SLIT3: variants seen among roughly 807,000 people sequenced by gnomAD.
The protein encoded by SLIT3 is slit guidance ligand 3.
A neutral mutation model predicts 184.0 loss-of-function variants in SLIT3; 68 were observed. That is an observed-to-expected ratio of 0.37 (90% CI 0.30 to 0.45). The LOEUF (loss-of-function observed/expected upper bound fraction) is 0.45. SLIT3 is among the 20% of genes least tolerant of loss of function. SLIT3 has a pLI of 1.00. For synonymous variants in SLIT3, 831 were observed against 828.6 expected, an observed-to-expected ratio of 1.00 and a Z score of -0.05; for missense variants, 1,707 against 2,026.0, an observed-to-expected ratio of 0.84 and a Z score of 3.02.
At chr5:169,206,443 T>G (rs11738097) in intron 3 of SLIT3, among the ~76,000 whole-genome samples, 22,774 of 152,184 alleles carry the variant, frequency 0.15, 2,062 homozygotes, top group East Asian at 0.44. Flanking sequence ...GGTAGGAAAC[T>G]GCCAGATGCA....
chr5:169,270,560 CAG>C (rs1350250941), intron 1 of SLIT3, among the ~76,000 whole-genome samples: 1 of 152,184 alleles, frequency 6.6e-6, no homozygotes, highest in Non-Finnish European at 1.5e-5. Flanking sequence ...CTTCACGCGA[CAG>C]GGGCAGAGTT....
At chr5:168,923,126 G>C (rs1761697416) in intron 4 of SLIT3, among the ~76,000 whole-genome samples, 1 of 152,154 alleles carries the variant, frequency 6.6e-6, no homozygotes, top group Non-Finnish European at 1.5e-5. Flanking sequence ...TAGGACTGGG[G>C]CAATGACAGG....
chr5:168,729,637 C>G (rs1194275725), intron 20 of SLIT3, among the ~76,000 whole-genome samples: 2 of 151,908 alleles, frequency 1.3e-5, no homozygotes, highest in Non-Finnish European at 2.9e-5. Flanking sequence ...AGGAAATGTT[C>G]AATGAGGTCT....
At chr5:168,981,023 T>C (rs2113355390) in intron 4 of SLIT3, among the ~76,000 whole-genome samples, 1 of 152,344 alleles carries the variant, frequency 6.6e-6, no homozygotes, top group African/African-American at 2.4e-5. Flanking sequence ...CTGACTTAGA[T>C]GAATTTCTTC....
chr5:168,915,154 C>T (rs116010012), intron 4 of SLIT3, among the ~76,000 whole-genome samples: 3,928 of 152,156 alleles, frequency 0.026, 157 homozygotes, highest in African/African-American at 0.089. Context: ...CTGTACTTCA[C>T]GGTAACCACA....
At chr5:169,248,524 A>G (rs1338765458) in intron 2 of SLIT3, among the ~76,000 whole-genome samples, 4 of 152,206 alleles carry the variant, frequency 2.6e-5, no homozygotes, top group Admixed American at 6.5e-5. Context: ...ATTTTCAGAC[A>G]GGGGAATCCG....
chr5:168,756,866 T>A (rs1754964841), intron 16 of SLIT3, among the ~76,000 whole-genome samples: 1 of 152,186 alleles, frequency 6.6e-6, no homozygotes, highest in African/African-American at 2.4e-5. Flanking sequence ...AGGGTTCCCA[T>A]TTCCTGACAT....
intron 4 of SLIT3, among the ~76,000 whole-genome samples, chr5:168,995,276 G>C (rs1384266299): frequency 6.6e-6 from 1 of 152,190 alleles, no homozygotes; most frequent in Non-Finnish European, 1.5e-5. Context: ...GCTGTTTAAG[G>C]CTGGTCTACA....
chr5:169,207,145 G>T (rs369859569), intron 3 of SLIT3, among the ~76,000 whole-genome samples: 1 of 151,210 alleles, frequency 6.6e-6, no homozygotes, highest in African/African-American at 2.4e-5. Context: ...AAGAGCCCCC[G>T]CTCACCTCGC....
At chr5:169,115,925 G>T (rs75225121) in intron 4 of SLIT3, among the ~76,000 whole-genome samples, 3,057 of 152,264 alleles carry the variant, frequency 0.02, 49 homozygotes, top group Non-Finnish European at 0.034. Context: ...AGTGCGCCCT[G>T]CAAAGAGGTG....
At chr5:168,874,881 C>T (rs561722324) in intron 5 of SLIT3, among the ~76,000 whole-genome samples, 5 of 152,288 alleles carry the variant, frequency 3.3e-5, no homozygotes, top group Non-Finnish European at 7.3e-5. Flanking sequence ...TGCCCTGGGG[C>T]GTGCTTATCC....
At chr5:169,108,371 C>A (rs914325762) in intron 4 of SLIT3, among the ~76,000 whole-genome samples, 1 of 152,278 alleles carries the variant, frequency 6.6e-6, no homozygotes, top group African/African-American at 2.4e-5. Context: ...ACAGCATACT[C>A]CAAAGACCAC....
At chr5:168,692,011 C>T (rs924638213) in intron 29 of SLIT3, among the ~76,000 whole-genome samples, 1 of 152,186 alleles carries the variant, frequency 6.6e-6, no homozygotes, top group Non-Finnish European at 1.5e-5. Context: ...GCAGCCTCTC[C>T]ATCCACCCTT....
Position 168,689,496 on chromosome 5 carries a change from G to T in SLIT3, c.3177-2380C>A, listed in dbSNP as rs552046396. On this transcript the variant is annotated intron_variant, in intron 29 of 35. Coordinates refer to ENST00000519560, the MANE Select transcript of SLIT3 (RefSeq NM_003062.4). The stretch of plus-strand genomic sequence containing the variant: ...CACCCCTTTATATGTGTGCATGGAG[G>T]TGGCTTATGCCACCTCAGTGAGCCT... Among the ~76,000 whole-genome samples the T allele has an allele frequency of 3.0e-4, 46 of 152,338 alleles. 1 individual carries two copies. The South Asian group carries it at 9.3e-3, about 31-fold the overall frequency.
intron 4 of SLIT3, among the ~76,000 whole-genome samples, chr5:168,924,087 C>T (rs564245851): frequency 1.3e-5 from 2 of 152,218 alleles, no homozygotes; most frequent in African/African-American, 4.8e-5. Context: ...AGTCTGTACC[C>T]GGGTCCACAA....
At chr5:169,210,784 G>A (rs930675757) in intron 3 of SLIT3, among the ~76,000 whole-genome samples, 7 of 152,196 alleles carry the variant, frequency 4.6e-5, no homozygotes, top group South Asian at 4.1e-4. Flanking sequence ...GAGACAGGGC[G>A]TGGAAACTGG....
intron 4 of SLIT3, among the ~76,000 whole-genome samples, chr5:168,908,597 CTCCCTGCTT>C (rs1761156445): frequency 6.6e-6 from 1 of 152,156 alleles, no homozygotes; most frequent in South Asian, 2.1e-4. Flanking sequence ...CCAGGGACTT[CTCCCTGCTT>C]TTAAGACAAG....
In SLIT3 at chr5:168,700,596, G is replaced by A; in HGVS notation, c.2928C>T (p.His976=). The change falls in exon 27 of 36, where the codon CAC becomes CAT. Residue 976 remains histidine, a synonymous_variant. Coordinates refer to ENST00000519560, the MANE Select transcript of SLIT3 (RefSeq NM_003062.4). ...TGAACTGTTACCTGAACCCATCCTTGTGGCTGTCACTCAGGTGGCAGGTGC... is the reference window on the plus strand; with the variant it reads ...TGAACTGTTACCTGAACCCATCCTTATGGCTGTCACTCAGGTGGCAGGTGC... ...HGGTCHLSDS[H]KDGFSCSCPL... is the part of the protein sequence containing the mutation. 1 of 1,613,826 alleles carries A rather than the reference G, an allele frequency of 6.2e-7. No individual in the cohort carries two copies. Among genetic ancestry groups the A allele is most frequent in the East Asian group, 2.2e-5 (1 of 44,878 alleles).
chr5:168,883,193 C>T (rs1760021715), intron 5 of SLIT3, 72 bp downstream of exon 5: 4 of 1,227,870 alleles, frequency 3.3e-6, no homozygotes, highest in Non-Finnish European at 3.6e-6. Context: ...CTTGTCCCAT[C>T]CCTCACCCTC....
Sources: gnomAD v4.1 joint callset for allele counts (sites outside exome capture counted in the v4.1 genomes callset) on GRCh38, gnomAD v4.1.1 for gene constraint, MANE v1.5 for transcripts, NCBI Gene and HGNC (gene_info 2026-07-23, HGNC 2026-07-21) for gene names.